Variants in TLN2 observed in about 807,000 individuals in gnomAD.
TLN2 encodes talin-2.
A neutral mutation model predicts 294.7 loss-of-function variants in TLN2; 118 were observed. The ratio of observed to expected loss-of-function variants is 0.40; its 90% CI spans 0.34 to 0.47. TLN2 has a LOEUF of 0.47. Among genes scored for constraint, TLN2 ranks in the 20% least tolerant of loss-of-function variants. The pLI, the probability that TLN2 is intolerant of heterozygous loss-of-function variation, is 0.84. For missense variants in TLN2, 3,083 were observed against 3,282.2 expected, an observed-to-expected ratio of 0.94 and a Z score of 1.48; for synonymous variants, 1,431 against 1,304.5, an observed-to-expected ratio of 1.10 and a Z score of -2.09.
chr15:62,635,830 TAAA>T (rs980296363), intron 3 of TLN2, among the ~76,000 whole-genome samples: 1 of 152,162 alleles, frequency 6.6e-6, no homozygotes, highest in African/African-American at 2.4e-5. Flanking sequence ...ACATTATCAA[TAAA>T]AAACCATTTT....
At chr15:62,627,937 A>G (rs1473043922) in intron 3 of TLN2, among the ~76,000 whole-genome samples, 1 of 152,208 alleles carries the variant, frequency 6.6e-6, no homozygotes, top group Non-Finnish European at 1.5e-5. Flanking sequence ...AATTTAATCC[A>G]TGAAGATTCT....
intron 1 of TLN2, among the ~76,000 whole-genome samples, chr15:62,558,843 C>T (rs879562953): frequency 6.6e-6 from 1 of 152,108 alleles, no homozygotes; most frequent in Non-Finnish European, 1.5e-5. Flanking sequence ...AAGTGAGAAG[C>T]ATCTAAAGCT....
In TLN2 at chr15:62,697,861, C is replaced by T. The variant is rs752905657; in HGVS notation, c.1466C>T (p.Pro489Leu). Residue 489 changes from proline (P) to leucine (L), a missense_variant, in exon 15 of 59, where the codon CCG becomes CTG. Coordinates refer to ENST00000636159, the MANE Select transcript of TLN2 (RefSeq NM_015059.3). ...MVGQMHRGHM[P>L]PLTSAQQALM... ...GGGCAGATGCACCGAGGCCACATGC[C>T]GCCACTGGTGAGGCTTCCTGTGCTC... The T allele has an allele frequency of 1.2e-5, 20 of 1,611,836 alleles. No homozygotes were observed. Among genetic ancestry groups the T allele is most frequent in the Admixed American group, 3.3e-5 (2 of 59,936 alleles).
Position 62,748,403 on chromosome 15 carries a change from C to T in TLN2, c.4078C>T (p.Pro1360Ser). ...CATCACTCTGTGTACCCAACAAGCT[C>T]CGGGCCAGAAAGAGTGCGATAATGC... Reference protein sequence around the residue: ...QLITLCTQQAPGQKECDNALR... With the variant: ...QLITLCTQQASGQKECDNALR... Residue 1360 changes from proline (P) to serine (S), a missense_variant, in exon 33 of 59, where the codon CCG becomes TCG. Transcript: ENST00000636159. 1 of 1,613,862 alleles carries T rather than the reference C, an allele frequency of 6.2e-7. No homozygotes were observed. The highest frequency in any genetic ancestry group is 1.3e-5 in the African/African-American group (1 of 74,956).
chr15:62,644,686 C>G lies in TLN2; in HGVS notation c.-36-2589C>G, dbSNP rs146858152. The G allele has an allele frequency of 5.4e-3, 2,326 of 427,220 alleles. 52 individuals carry two copies. Among genetic ancestry groups the G allele is most frequent in the African/African-American group, 0.042 (2,071 of 48,798 alleles). 26.5% of individuals were successfully genotyped at this position (427,220 alleles called of 1,614,324 possible). On this transcript the variant is annotated intron_variant, in intron 3 of 58. Transcript: ENST00000636159. ...TTGCTGTGCCCTGCAGGGCTCCCTC[C>G]TTTGATTCTGCTGCCCCTTTTGGTG...
At chr15:62,839,839 T>C (rs1283133609) in intron 58 of TLN2, among the ~76,000 whole-genome samples, 1 of 152,246 alleles carries the variant, frequency 6.6e-6, no homozygotes, top group East Asian at 1.9e-4. Flanking sequence ...CACTGGAGAA[T>C]ACTGCATTCA....
chr15:62,648,366 C>T (rs1432791447), intron 4 of TLN2, among the ~76,000 whole-genome samples: 2 of 130,270 alleles, frequency 1.5e-5, no homozygotes, highest in South Asian at 4.8e-4. Flanking sequence ...GATCCAGCCA[C>T]TGCACTCCAG....
intron 57 of TLN2, among the ~76,000 whole-genome samples, chr15:62,836,304 C>T (rs1037069558): frequency 1.1e-4 from 16 of 152,260 alleles, no homozygotes; most frequent in African/African-American, 3.9e-4. Flanking sequence ...CCCTGCTCCT[C>T]GCCAGCCCAA....
intron 1 of TLN2, among the ~76,000 whole-genome samples, chr15:62,480,219 T>C (rs554261490): frequency 1.3e-5 from 2 of 152,282 alleles, no homozygotes; most frequent in Admixed American, 6.5e-5. Flanking sequence ...TATTTGTTTA[T>C]TGTTGTTATT....
chr15:62,495,578 A>G (rs2038973041), intron 1 of TLN2, among the ~76,000 whole-genome samples: 1 of 152,250 alleles, frequency 6.6e-6, no homozygotes. Context: ...AATTGGGAGC[A>G]AGAGGCTGAA....
rs148837504 is a variant in TLN2, at chr15:62,685,126, G to A, written c.958-1515G>A. 1.6e-3 allele frequency among the ~76,000 whole-genome samples: 243 copies of A among 151,896 alleles called. 1 individual carries two copies. The highest frequency in any genetic ancestry group is 1.5e-3 in the East Asian group (8 of 5,170). ...AAAAATAATACAAAACACATGAGAT[G>A]TTCAGTGCCTTTTTCATGTAATGGA... On this transcript the variant is annotated intron_variant, in intron 11 of 58. Transcript: ENST00000636159.
intron 45 of TLN2, 95 bp downstream of exon 45, chr15:62,783,985 C>A: frequency 6.4e-7 from 1 of 1,573,470 alleles, no homozygotes; most frequent in African/African-American, 1.3e-5. Context: ...TCTGGAAGAC[C>A]CCAGCCCAGT....
intron 57 of TLN2, 38 bp downstream of exon 57, chr15:62,836,111 T>C (rs1377277153): frequency 1.3e-6 from 2 of 1,568,942 alleles, no homozygotes; most frequent in Non-Finnish European, 1.7e-6. Context: ...ATACTCCTGT[T>C]GGAGCGGGTA....
chr15:62,792,493 A>G (rs2065142199), intron 45 of TLN2, 148 bp from the exon 46 acceptor site: 1 of 1,106,318 alleles, frequency 9.0e-7, no homozygotes, highest in Non-Finnish European at 1.2e-6. Context: ...ACCAAATTCC[A>G]TACTTCACCA....
chr15:62,574,726 A>G (rs995365952), intron 1 of TLN2, among the ~76,000 whole-genome samples: 2 of 147,734 alleles, frequency 1.4e-5, no homozygotes, highest in East Asian at 2.0e-4. Context: ...AAATTTTTCT[A>G]TTTCTGAAAT....
chr15:62,801,920 G>A (rs1444623169), intron 50 of TLN2, among the ~76,000 whole-genome samples: 2 of 152,150 alleles, frequency 1.3e-5, no homozygotes, highest in Non-Finnish European at 2.9e-5. Context: ...CAGGATAATT[G>A]GGGTATCCAT....
chr15:62,826,582 C>T (rs996079663), intron 54 of TLN2, among the ~76,000 whole-genome samples: 25 of 152,216 alleles, frequency 1.6e-4, no homozygotes, highest in Non-Finnish European at 5.9e-5. Flanking sequence ...GCCACCCCAT[C>T]CATGGGTCCT....
At chr15:62,431,485 C>G (rs539278741) in intron 1 of TLN2, among the ~76,000 whole-genome samples, 1 of 152,206 alleles carries the variant, frequency 6.6e-6, no homozygotes, top group South Asian at 2.1e-4. Context: ...TGTCATATCC[C>G]GAAGTCACCG....
intron 2 of TLN2, among the ~76,000 whole-genome samples, chr15:62,600,600 A>G (rs546095219): frequency 6.6e-6 from 1 of 152,224 alleles, no homozygotes; most frequent in East Asian, 1.9e-4. Context: ...GTGGTCTCAC[A>G]TGCTCACTGA....
Sources: gnomAD v4.1 joint callset for allele counts (sites outside exome capture counted in the v4.1 genomes callset) on GRCh38, gnomAD v4.1.1 for gene constraint, MANE v1.5 for transcripts, NCBI Gene and HGNC (gene_info 2026-07-23, HGNC 2026-07-21) for gene names.